The following PALM2AKAP2 variants were observed in gnomAD, a reference collection of about 807,000 sequenced individuals.
PALM2AKAP2 encodes the protein PALM2 and AKAP2 fusion, also known as PALM2-AKAP2 fusion protein.
PALM2AKAP2 carries 37 observed loss-of-function variants against 71.5 expected under a neutral mutation model. The observed-to-expected ratio is 0.52, with a 90% CI of 0.40 to 0.68. The LOEUF is 0.68. Ranked by LOEUF, PALM2AKAP2 falls within the 30% of genes least tolerant of loss-of-function variation. The probability of loss-of-function intolerance (pLI) is 0.00; values close to 1 mark genes in which losing one functional copy is unlikely to be tolerated. For synonymous variants in PALM2AKAP2, 468 were observed against 478.8 expected (o/e 0.98, Z 0.29); for missense variants, 1,224 against 1,191.8 (o/e 1.03, Z -0.40).
chr9:109,881,916 G>A (rs572456924), intron 3 of PALM2AKAP2, among the ~76,000 whole-genome samples: 40 of 121,466 alleles, frequency 3.3e-4, no homozygotes, highest in African/African-American at 1.2e-3. Context: ...ATGGAGTCTC[G>A]CTCTGTCACT....
intron 1 of PALM2AKAP2, among the ~76,000 whole-genome samples, chr9:110,071,088 C>T (rs1194968209): frequency 2.1e-5 from 3 of 143,734 alleles, no homozygotes; most frequent in South Asian, 2.3e-4. Flanking sequence ...TGCTTGAACT[C>T]GAGAGGCGGA....
intron 7 of PALM2AKAP2, among the ~76,000 whole-genome samples, chr9:110,035,702 T>C (rs1486380442): frequency 8.0e-6 from 1 of 124,840 alleles, no homozygotes; most frequent in East Asian, 2.7e-4. Flanking sequence ...GGATATGTTG[T>C]GTGTTATATA....
chr9:109,823,900 A>G (rs948160289), intron 1 of PALM2AKAP2, among the ~76,000 whole-genome samples: 1 of 152,058 alleles, frequency 6.6e-6, no homozygotes, highest in Non-Finnish European at 1.5e-5. Flanking sequence ...ACCACACTTT[A>G]TTTTTTTAGA....
intron 1 of PALM2AKAP2, among the ~76,000 whole-genome samples, chr9:109,766,141 C>T (rs1359705777): frequency 1.3e-5 from 2 of 152,332 alleles, no homozygotes; most frequent in Admixed American, 6.5e-5. Flanking sequence ...CACTTAAGGA[C>T]ATGCTATGCA....
At chr9:109,917,274 G>A (rs1830715526) in intron 3 of PALM2AKAP2, among the ~76,000 whole-genome samples, 1 of 152,202 alleles carries the variant, frequency 6.6e-6, no homozygotes, top group Non-Finnish European at 1.5e-5. Flanking sequence ...ACACAACGCT[G>A]CCAGCACCTT....
intron 6 of PALM2AKAP2, among the ~76,000 whole-genome samples, chr9:109,979,762 G>A (rs1832236283): frequency 6.6e-6 from 1 of 152,084 alleles, no homozygotes; most frequent in African/African-American, 2.4e-5. Flanking sequence ...TGATGTTATT[G>A]TTGGATTTGG....
intron 1 of PALM2AKAP2, among the ~76,000 whole-genome samples, chr9:110,076,264 A>G (rs1275831896): frequency 6.6e-6 from 1 of 151,978 alleles, no homozygotes; most frequent in African/African-American, 2.4e-5. Context: ...CTTAATAGCT[A>G]TAAAATATTC....
At chr9:109,754,066 G>A (rs17202497) in intron 1 of PALM2AKAP2, among the ~76,000 whole-genome samples, 47,431 of 151,992 alleles carry the variant, frequency 0.31, 7,540 homozygotes, top group Middle Eastern at 0.4. Context: ...TTGCTTCCTC[G>A]CTTACTGTAC....
rs77313667 is a variant in PALM2AKAP2, at chr9:109,645,880, C to T, written c.5+5014C>T. The stretch of plus-strand genomic sequence containing the variant: ...ACAATATACCCATGTAACAAACTTG[C>T]GCATGTACTCACCTGAATCTAAAAT... On this transcript the variant is annotated intron_variant, in intron 1 of 6. Transcript: ENST00000374531. Among the ~76,000 whole-genome samples, 1,144 of 152,120 alleles carry T rather than the reference C, an allele frequency of 7.5e-3. 15 individuals are homozygous for T. Among genetic ancestry groups the T allele is most frequent in the East Asian group, 0.027 (141 of 5,168 alleles).
chr9:110,171,686 AAG>A (rs1159215812), exon 4 of PALM2AKAP2: 1 of 152,442 alleles, frequency 6.6e-6, no homozygotes, highest in Non-Finnish European at 1.5e-5. Context: ...CATCGAGAGA[AAG>A]AGGCTTACGA....
At chr9:109,974,444 T>C (rs886379888) in intron 6 of PALM2AKAP2, among the ~76,000 whole-genome samples, 6 of 151,378 alleles carry the variant, frequency 4.0e-5, no homozygotes, top group African/African-American at 1.5e-4. Flanking sequence ...CTCAGAGCCA[T>C]GCATGCTGAA....
intron 1 of PALM2AKAP2, among the ~76,000 whole-genome samples, chr9:109,758,597 TTA>T (rs1829003554): frequency 7.3e-6 from 1 of 136,382 alleles, no homozygotes; most frequent in Non-Finnish European, 1.6e-5. Flanking sequence ...TGTATTTGTA[TTA>T]TTTTTTGCAG....
chr9:110,055,514 GA>G (rs1189360505), intron 1 of PALM2AKAP2, among the ~76,000 whole-genome samples: 1 of 152,118 alleles, frequency 6.6e-6, no homozygotes, highest in Non-Finnish European at 1.5e-5. Context: ...CTCTTTTGGT[GA>G]AAAGGCAAGG....
At chr9:109,691,879 CACATATATAT>C (rs1280755216) in intron 1 of PALM2AKAP2, among the ~76,000 whole-genome samples, 25 of 50,492 alleles carry the variant, frequency 5.0e-4, no homozygotes, top group African/African-American at 6.7e-4. Context: ...CACACACACA[CACATATATAT>C]ATATATATAT....
At chr9:109,863,690 C>T (rs1311436518) in intron 1 of PALM2AKAP2, among the ~76,000 whole-genome samples, 1 of 152,224 alleles carries the variant, frequency 6.6e-6, no homozygotes, top group Non-Finnish European at 1.5e-5. Flanking sequence ...AAGTGAGTTC[C>T]TTAATGGTGT....
At chr9:109,977,772 C>T (rs911097498) in intron 6 of PALM2AKAP2, among the ~76,000 whole-genome samples, 2 of 152,184 alleles carry the variant, frequency 1.3e-5, no homozygotes, top group Non-Finnish European at 2.9e-5. Flanking sequence ...CACCCCCTGC[C>T]TCTCTCTGGG....
At chr9:110,076,513 G>GTATATATATTCTACATATATA (rs1258256647) in intron 1 of PALM2AKAP2, among the ~76,000 whole-genome samples, 2 of 76,710 alleles carry the variant, frequency 2.6e-5, no homozygotes, top group African/African-American at 1.6e-4. Flanking sequence ...ATATATATAG[G>GTATATATATTCTACATATATA]TATATATACC....
At chr9:110,101,488 C>T (rs1225545154) in intron 1 of PALM2AKAP2, among the ~76,000 whole-genome samples, 1 of 152,040 alleles carries the variant, frequency 6.6e-6, no homozygotes, top group African/African-American at 2.4e-5. Flanking sequence ...TGGCCCAGGT[C>T]AAGGCAGACA....
intron 6 of PALM2AKAP2, among the ~76,000 whole-genome samples, chr9:110,012,842 G>A (rs1832909287): frequency 1.3e-5 from 2 of 152,148 alleles, no homozygotes. Flanking sequence ...TCTTTCCAAA[G>A]TGAAATAATA....
Sources: allele counts gnomAD v4.1 joint callset (sites outside exome capture counted in the v4.1 genomes callset), GRCh38; gene constraint gnomAD v4.1.1; transcripts MANE v1.5; gene names NCBI Gene and HGNC (gene_info 2026-07-23, HGNC 2026-07-21).